LAMP3: variants seen among roughly 807,000 people sequenced by gnomAD.
LAMP3 encodes the protein lysosome associated membrane protein 3, also known as lysosome-associated membrane glycoprotein 3.
Under a neutral mutation model 34.8 loss-of-function variants are expected in LAMP3, and 26 were observed. That is an observed-to-expected ratio of 0.75 (90% CI 0.55 to 1.04). The LOEUF is 1.04. LAMP3 is among the 50% of genes least tolerant of loss of function. LAMP3 has a pLI of 0.00. For synonymous variants in LAMP3, 180 were observed against 201.9 expected (o/e 0.89, Z 0.92); for missense variants, 495 against 524.0 (o/e 0.94, Z 0.54).
chr3:183,158,830 C>T (rs1197118895), intron 1 of LAMP3, among the ~76,000 whole-genome samples: 2 of 151,990 alleles, frequency 1.3e-5, no homozygotes, highest in Non-Finnish European at 2.9e-5. Context: ...TCTCAGGGGC[C>T]CTGTGAGGCA....
chr3:183,153,098 C>G (rs541231546), intron 2 of LAMP3, among the ~76,000 whole-genome samples: 2 of 145,472 alleles, frequency 1.4e-5, no homozygotes, highest in African/African-American at 5.1e-5. Flanking sequence ...TCGCTTGAAC[C>G]AGGGAGGTGG....
intron 3 of LAMP3, among the ~76,000 whole-genome samples, chr3:183,150,681 T>C (rs1421269466): frequency 1.3e-5 from 2 of 148,956 alleles, no homozygotes; most frequent in African/African-American, 4.9e-5. Flanking sequence ...CTTAGCCTCC[T>C]GAGTAGCTAG....
chr3:183,150,671 C>T (rs1362705304), intron 3 of LAMP3, among the ~76,000 whole-genome samples: 1 of 149,692 alleles, frequency 6.7e-6, no homozygotes, highest in African/African-American at 2.5e-5. Context: ...ATCTTCCCAC[C>T]TTAGCCTCCT....
chr3:183,131,944 T>G (rs1719936589), intron 5 of LAMP3: 1 of 985,280 alleles, frequency 1.0e-6, no homozygotes. Context: ...TTTTGGTGAA[T>G]GTTTGCGTAA....
chr3:183,147,099 C>T (rs969998600), intron 3 of LAMP3, among the ~76,000 whole-genome samples: 3 of 151,750 alleles, frequency 2.0e-5, no homozygotes, highest in Admixed American at 6.6e-5. Context: ...AAAAATTAGC[C>T]GGGCGTGGTG....
intron 1 of LAMP3, chr3:183,158,255 G>A (rs1720877611): frequency 6.6e-6 from 1 of 152,192 alleles, no homozygotes; most frequent in Non-Finnish European, 1.5e-5. Context: ...CATGGTCTAT[G>A]TATACGACCA....
chr3:183,160,525 A>C (rs1720946183), intron 1 of LAMP3, among the ~76,000 whole-genome samples: 1 of 152,190 alleles, frequency 6.6e-6, no homozygotes, highest in Non-Finnish European at 1.5e-5. Flanking sequence ...CACTGTGCCC[A>C]GCCAAGGCCA....
chr3:183,152,695 C>G (rs888883063), intron 2 of LAMP3, among the ~76,000 whole-genome samples, 192 bp from the exon 3 acceptor site: 1 of 152,078 alleles, frequency 6.6e-6, no homozygotes, highest in Non-Finnish European at 1.5e-5. Flanking sequence ...GGAGTTCTCC[C>G]ACAGAGAGGA....
At chr3:183,135,911 A>G (rs755476662) in intron 4 of LAMP3, 24 bp from the exon 5 acceptor site, 4 of 1,589,754 alleles carry the variant, frequency 2.5e-6, no homozygotes, top group South Asian at 1.1e-5. Context: ...AGATAGATGC[A>G]TAAGAGTCCT....
chr3:183,135,674 T>A (rs1329069350), intron 5 of LAMP3, 43 bp downstream of exon 5: 1 of 1,571,006 alleles, frequency 6.4e-7, no homozygotes. Flanking sequence ...TACCCTGGGG[T>A]CTCTAAAGTG....
At chr3:183,133,647 C>T (rs649355) in intron 5 of LAMP3, among the ~76,000 whole-genome samples, 84,722 of 152,116 alleles carry the variant, frequency 0.56, 27,910 homozygotes, top group Non-Finnish European at 0.74. Flanking sequence ...TCAGCCAACA[C>T]GCCCAGTCCT....
intron 3 of LAMP3, among the ~76,000 whole-genome samples, chr3:183,147,580 A>G (rs1005137504): frequency 1.3e-5 from 2 of 151,384 alleles, no homozygotes; most frequent in African/African-American, 4.9e-5. Context: ...AACTGGTAAA[A>G]TAAAAATTTA....
intron 4 of LAMP3, among the ~76,000 whole-genome samples, chr3:183,136,810 CAAGG>C (rs1560306454): frequency 6.6e-6 from 1 of 152,008 alleles, no homozygotes; most frequent in African/African-American, 2.4e-5. Context: ...ACACCCTGTT[CAAGG>C]AAGTGGAGGC....
At chr3:183,137,704 A>G (rs763227283) in intron 4 of LAMP3, among the ~76,000 whole-genome samples, 3 of 152,120 alleles carry the variant, frequency 2.0e-5, no homozygotes, top group Non-Finnish European at 4.4e-5. Flanking sequence ...TAACATGAAA[A>G]TCATCATTAC....
intron 3 of LAMP3, among the ~76,000 whole-genome samples, chr3:183,146,387 T>TG (rs1429836267): frequency 6.6e-6 from 1 of 152,314 alleles, no homozygotes; most frequent in Non-Finnish European, 1.5e-5. Flanking sequence ...ATTTCTCTTT[T>TG]GGAAAAATCT....
intron 3 of LAMP3, among the ~76,000 whole-genome samples, chr3:183,152,048 G>A (rs1409875471): frequency 5.3e-5 from 8 of 152,152 alleles, no homozygotes; most frequent in African/African-American, 1.9e-4. Flanking sequence ...CTGTTCCTCT[G>A]GGGCCCACTG....
chr3:183,150,565 CTTTTTTT>C lies in LAMP3; in HGVS notation c.888+1803_888+1809del, dbSNP rs10665288. On this transcript the variant is annotated intron_variant, in intron 3 of 5. Transcript: ENST00000265598. ...ATCTTCTGCTATTTTGCCAAAGTGA[CTTTTTTT>C]TTTTTTTTTTTTTTTGGAGAGCAGT... Among the ~76,000 whole-genome samples the C allele has an allele frequency of 3.2e-3, 278 of 86,100 alleles. 1 individual carries two copies. Among genetic ancestry groups the C allele is most frequent in the African/African-American group, 0.011 (259 of 23,762 alleles). The allele number at this position is 86,100 out of a possible 152,430, so 56.5% of individuals were successfully genotyped here.
chr3:183,160,012 A>C (rs1465794046), intron 1 of LAMP3, among the ~76,000 whole-genome samples: 1 of 152,206 alleles, frequency 6.6e-6, no homozygotes, highest in Non-Finnish European at 1.5e-5. Context: ...TATATGTCGG[A>C]TCCTAATGAC....
chr3:183,141,960 C>T (rs893354466), intron 3 of LAMP3, among the ~76,000 whole-genome samples: 1 of 152,180 alleles, frequency 6.6e-6, no homozygotes, highest in Non-Finnish European at 1.5e-5. Context: ...CTCTTTCATA[C>T]CCACTCCATG....
Sources: allele counts gnomAD v4.1 joint callset (sites outside exome capture counted in the v4.1 genomes callset), GRCh38; gene constraint gnomAD v4.1.1; transcripts MANE v1.5; gene names NCBI Gene and HGNC (gene_info 2026-07-23, HGNC 2026-07-21).